The following ZNF225 variants were observed in gnomAD, a reference collection of about 807,000 sequenced individuals.
The protein encoded by ZNF225 is zinc finger protein 225.
ZNF225 carries 6 observed loss-of-function variants against 12.0 expected under a neutral mutation model. The ratio of observed to expected loss-of-function variants is 0.50; its 90% CI spans 0.27 to 0.98. ZNF225 has a LOEUF of 0.98. Ranked by LOEUF, ZNF225 falls within the 50% of genes least tolerant of loss-of-function variation. The pLI, the probability that ZNF225 is intolerant of heterozygous loss-of-function variation, is 0.11. For synonymous variants in ZNF225, 271 were observed against 283.2 expected (o/e 0.96, Z 0.43); for missense variants, 763 against 848.2 (o/e 0.90, Z 1.25).
chr19:44,132,741 G>A lies in ZNF225; in HGVS notation c.*6G>A, dbSNP rs192600284. The A allele has an allele frequency of 2.6e-6, 4 of 1,567,140 alleles. No homozygotes were observed. The East Asian group carries it at 9.1e-5, about 36-fold the overall frequency. On this transcript the variant is annotated 3_prime_UTR_variant, in exon 5 of 5. Transcript: ENST00000262894. ...TATTTTTAAATGACACATAACTGTTGTACTCATTTATGGGGTACAGTGTGA... is the reference window on the plus strand; with the variant it reads ...TATTTTTAAATGACACATAACTGTTATACTCATTTATGGGGTACAGTGTGA...
In ZNF225 at chr19:44,117,705, T is replaced by C. The variant is rs34586882; in HGVS notation, c.16-483T>C. The stretch of plus-strand genomic sequence containing the variant: ...TCAGGAAAATCCATCATTATCAGGA[T>C]ACAGACAGAATGAATAGCAAATCTA... On this transcript the variant is annotated intron_variant, in intron 2 of 4. Transcript: ENST00000262894. 4.5e-3 allele frequency among the ~76,000 whole-genome samples: 679 copies of C among 152,240 alleles called. 6 individuals carry two copies. Among genetic ancestry groups the C allele is most frequent in the South Asian group, 0.028 (137 of 4,824 alleles).
chr19:44,121,937 CTG>C (rs1968064723), intron 4 of ZNF225, among the ~76,000 whole-genome samples: 2 of 152,182 alleles, frequency 1.3e-5, no homozygotes, highest in Admixed American at 1.3e-4. Flanking sequence ...TTCTCCCACT[CTG>C]TGGGTTGTCT....
chr19:44,130,580 C>T (rs1480911623), intron 4 of ZNF225: 1 of 291,286 alleles, frequency 3.4e-6, no homozygotes, highest in Admixed American at 4.8e-5. Flanking sequence ...CGCCTATAGT[C>T]CCAGCTACTG....
chr19:44,115,972 C>T, intron 2 of ZNF225, 130 bp downstream of exon 2: 2 of 874,232 alleles, frequency 2.3e-6, no homozygotes, highest in Non-Finnish European at 3.4e-6. Flanking sequence ...AGTGATTCTC[C>T]TGCTTCAGCC....
chr19:44,126,425 CCT>C (rs1199453932), intron 4 of ZNF225, among the ~76,000 whole-genome samples: 1 of 152,126 alleles, frequency 6.6e-6, no homozygotes, highest in African/African-American at 2.4e-5. Flanking sequence ...GATATCAGCG[CCT>C]GTTCCAGTGG....
At chr19:44,130,700 CAAA>C (rs775988972) in intron 4 of ZNF225, 147 bp from the exon 5 acceptor site, 1,297 of 168,804 alleles carry the variant, frequency 7.7e-3, no homozygotes, top group East Asian at 0.026. Flanking sequence ...GACTCCATCT[CAAA>C]AAAAAAAAAA....
rs1434664682 is a variant in ZNF225 at position 44,118,202 on chromosome 19, C to T, written c.30C>T (p.Phe10=). Reference sequence around the variant, plus strand: ...CGATGCTGTAGGAGGCAGTGACCTTCAAGGACGTGGCTGTGGTCTTCACTG... The same window carrying T: ...CGATGCTGTAGGAGGCAGTGACCTTTAAGGACGTGGCTGTGGTCTTCACTG... MTTLKEAVT[F]KDVAVVFTEE... The change falls in exon 3 of 5, where the codon TTC becomes TTT. Residue 10 remains phenylalanine, a synonymous_variant. Coordinates refer to ENST00000262894, the MANE Select transcript of ZNF225 (RefSeq NM_013362.4). 1 of 1,612,136 alleles carries T rather than the reference C, an allele frequency of 6.2e-7. No individual in the cohort carries two copies. The highest frequency in any genetic ancestry group is 8.5e-7 in the Non-Finnish European group (1 of 1,179,200).
chr19:44,131,845 A>G lies in ZNF225; in HGVS notation c.1231A>G (p.Thr411Ala), dbSNP rs773356388. The change falls in exon 5 of 5, where the codon ACA becomes GCA. Residue 411 changes from threonine to alanine, a missense_variant. Transcript: ENST00000262894. ...TGAAGAATGTGGGAAGGGATTTTAT[A>G]CAAATTCACAACGTTATTCTCACCA... ...KCEECGKGFY[T>A]NSQRYSHQRA... 6.2e-7 allele frequency: 1 copy of G among 1,613,944 alleles called. No homozygotes were observed. Among genetic ancestry groups the G allele is most frequent in the South Asian group, 1.1e-5 (1 of 91,080 alleles).
At chr19:44,123,573 ATTC>A (rs770360314) in intron 4 of ZNF225, among the ~76,000 whole-genome samples, 5 of 152,104 alleles carry the variant, frequency 3.3e-5, no homozygotes, top group African/African-American at 4.8e-5. Flanking sequence ...ATTGGTATCA[ATTC>A]TTCTTTGAGT....
At chr19:44,120,915 T>A (rs1033291887) in intron 4 of ZNF225, among the ~76,000 whole-genome samples, 15 of 140,536 alleles carry the variant, frequency 1.1e-4, no homozygotes, top group African/African-American at 3.9e-4. Flanking sequence ...TTTTTTTTTT[T>A]AAGCAGAGTC....
At chr19:44,124,504 A>C (rs977380737) in intron 4 of ZNF225, among the ~76,000 whole-genome samples, 1 of 152,144 alleles carries the variant, frequency 6.6e-6, no homozygotes, top group Non-Finnish European at 1.5e-5. Flanking sequence ...ATTGGATGAA[A>C]TGTTCTGTAT....
At chr19:44,119,585 C>A (rs564394533) in intron 4 of ZNF225, among the ~76,000 whole-genome samples, 1 of 152,212 alleles carries the variant, frequency 6.6e-6, no homozygotes, top group African/African-American at 2.4e-5. Context: ...TTATGCCTCT[C>A]TCTCCTGCCT....
In ZNF225 at chr19:44,131,456, T is replaced by C; in HGVS notation, c.842T>C (p.Ile281Thr). ...TCCCAGCTTCAGGAACATCAAAGAA[T>C]CCATACTGGGGAGAAGCCATTCAAA... ...HDSQLQEHQR[I>T]HTGEKPFKCD... The change falls in exon 5 of 5, where the codon ATC becomes ACC. Residue 281 changes from isoleucine (I) to threonine (T), a missense_variant. Transcript: ENST00000262894. 4 of 1,614,160 alleles carry C rather than the reference T, an allele frequency of 2.5e-6. No individual in the cohort carries two copies. Among genetic ancestry groups the C allele is most frequent in the Non-Finnish European group, 3.4e-6 (4 of 1,180,016 alleles).
At position 44,115,823 on chromosome 19, in the gene ZNF225, G is replaced by C; in HGVS notation, c.-5G>C. The C allele has an allele frequency of 6.2e-7, 1 of 1,613,114 alleles. No individual in the cohort carries two copies. Among genetic ancestry groups the C allele is most frequent in the Non-Finnish European group, 8.5e-7 (1 of 1,179,494 alleles). ...CTCTGAATATTCCCTGAAATAGGAG[G>C]AAAAATGACCACGTTGAAGGTGAGT... is the stretch of plus-strand genomic sequence containing the variant. On this transcript the variant is annotated 5_prime_UTR_variant, in exon 2 of 5. Coordinates refer to ENST00000262894, the MANE Select transcript of ZNF225 (RefSeq NM_013362.4).
intron 2 of ZNF225, among the ~76,000 whole-genome samples, chr19:44,117,621 G>C (rs554655130): frequency 1.1e-4 from 17 of 152,324 alleles, no homozygotes; most frequent in African/African-American, 4.1e-4. Flanking sequence ...AGGAGACTCA[G>C]TAAGTGCACA....
Position 44,132,752 on chromosome 19 carries a change from T to G in ZNF225, c.*17T>G, listed in dbSNP as rs1568544008. Reference sequence around the variant, plus strand: ...GACACATAACTGTTGTACTCATTTATGGGGTACAGTGTGATAGTTAATGCA... The same window carrying G: ...GACACATAACTGTTGTACTCATTTAGGGGGTACAGTGTGATAGTTAATGCA... On this transcript the variant is annotated 3_prime_UTR_variant, in exon 5 of 5. Coordinates refer to ENST00000262894, the MANE Select transcript of ZNF225 (RefSeq NM_013362.4). 3 of 1,527,484 alleles carry G rather than the reference T, an allele frequency of 2.0e-6. No homozygotes were observed. Among genetic ancestry groups the G allele is most frequent in the East Asian group, 4.7e-5 (2 of 42,854 alleles). The allele number at this position is 1,527,484 out of a possible 1,614,324, so 94.6% of individuals were successfully genotyped here.
Position 44,131,021 on chromosome 19 carries a change from C to T in ZNF225, c.407C>T (p.Ala136Val), listed in dbSNP as rs1968241673. The change falls in exon 5 of 5, where the codon GCA becomes GTA. Residue 136 changes from alanine to valine, a missense_variant. Coordinates refer to ENST00000262894, the MANE Select transcript of ZNF225 (RefSeq NM_013362.4). ...KQDDMPCQVD[A>V]GLSIIHVRQK... ...GATGATATGCCCTGCCAGGTTGATG[C>T]AGGACTATCTATAATTCACGTAAGA... The T allele has an allele frequency of 6.2e-7, 1 of 1,613,918 alleles. No individual in the cohort carries two copies. Among genetic ancestry groups the T allele is most frequent in the South Asian group, 1.1e-5 (1 of 91,090 alleles).
rs62640902 is a variant in ZNF225 at position 44,131,365 on chromosome 19, C to T, written c.751C>T (p.Arg251Cys). Residue 251 changes from arginine to cysteine, a missense_variant, in exon 5 of 5, where the codon CGT becomes TGT. Coordinates refer to ENST00000262894, the MANE Select transcript of ZNF225 (RefSeq NM_013362.4). ...FSRRSGLYVH[R>C]KLHTGVKPHI... ...TCGTAGATCAGGACTTTATGTTCATCGTAAATTACACACAGGAGTGAAACC... is the reference window on the plus strand; with the variant it reads ...TCGTAGATCAGGACTTTATGTTCATTGTAAATTACACACAGGAGTGAAACC... The T allele has an allele frequency of 1.3e-4, 216 of 1,614,114 alleles. No homozygotes were observed. The African/African-American group carries it at 1.8e-3, about 13-fold the overall frequency.
intron 1 of ZNF225, chr19:44,114,012 C>T: frequency 3.2e-6 from 1 of 315,054 alleles, no homozygotes; most frequent in Non-Finnish European, 5.8e-6. Flanking sequence ...CTGCAAGACG[C>T]TGGGTGATCC....
Sources: gnomAD v4.1 joint callset for allele counts (sites outside exome capture counted in the v4.1 genomes callset) on GRCh38, gnomAD v4.1.1 for gene constraint, MANE v1.5 for transcripts, NCBI Gene and HGNC (gene_info 2026-07-23, HGNC 2026-07-21) for gene names.